Variants in SEPTIN10 observed in about 807,000 individuals in gnomAD.
SEPTIN10 encodes the protein septin 10.
A neutral mutation model predicts 54.8 loss-of-function variants in SEPTIN10; 66 were observed. That is an observed-to-expected ratio of 1.21 (90% confidence interval 0.99 to 1.48). The LOEUF is 1.48. SEPTIN10 is among the 40% of genes most tolerant of loss of function. The pLI is 0.00. For synonymous variants in SEPTIN10, 161 were observed against 181.0 expected (o/e 0.89, Z 0.89); for missense variants, 620 against 545.6 (o/e 1.14, Z -1.36).
chr2:109,575,398 C>CT (rs1689460889), intron 4 of SEPTIN10, among the ~76,000 whole-genome samples: 1 of 152,246 alleles, frequency 6.6e-6, no homozygotes, highest in Non-Finnish European at 1.5e-5. Context: ...ACATCAGTAT[C>CT]TAACTAGTAA....
intron 1 of SEPTIN10, among the ~76,000 whole-genome samples, chr2:109,599,661 A>C (rs1375968155): frequency 6.6e-6 from 1 of 152,108 alleles, no homozygotes; most frequent in Non-Finnish European, 1.5e-5. Context: ...CAAAAGTTAA[A>C]GGATAACTGC....
In SEPTIN10 at chr2:109,553,237, T is replaced by C; in HGVS notation, c.1029-18A>G. The C allele has an allele frequency of 1.2e-6, 2 of 1,612,490 alleles. No homozygotes were observed. The highest frequency in any genetic ancestry group is 2.2e-5 in the South Asian group (2 of 90,722). ...CTTGAACACTAAAAAGTTATTTGTG[T>C]TACTCTCCTGCTAAAAAGTGATATA... is the stretch of plus-strand genomic sequence containing the variant. On this transcript the variant is annotated intron_variant, in intron 8 of 10. Transcript: ENST00000397712.
At chr2:109,559,921 T>C (rs1685245299) in intron 8 of SEPTIN10, among the ~76,000 whole-genome samples, 1 of 149,588 alleles carries the variant, frequency 6.7e-6, no homozygotes, top group African/African-American at 2.5e-5. Context: ...CTTTTTTTTT[T>C]TTTTTTTTTT....
intron 9 of SEPTIN10, among the ~76,000 whole-genome samples, chr2:109,549,038 G>A (rs867017780): frequency 6.6e-6 from 1 of 152,170 alleles, no homozygotes; most frequent in African/African-American, 2.4e-5. Flanking sequence ...TTTCAGAGAA[G>A]CATCAGTTCC....
intron 1 of SEPTIN10, among the ~76,000 whole-genome samples, chr2:109,606,671 GCTTTTTT>G (rs1698058443): frequency 1.1e-5 from 1 of 95,228 alleles, no homozygotes; most frequent in Non-Finnish European, 2.0e-5. Flanking sequence ...AAAATTTTAA[GCTTTTTT>G]TTTTTTTTTT....
chr2:109,599,926 T>A (rs1026209904), intron 1 of SEPTIN10, among the ~76,000 whole-genome samples: 1 of 152,230 alleles, frequency 6.6e-6, no homozygotes, highest in Non-Finnish European at 1.5e-5. Flanking sequence ...TTACTAACAC[T>A]ACAACGAACT....
At chr2:109,585,677 G>A in intron 3 of SEPTIN10, 44 bp downstream of exon 3, 1 of 1,285,906 alleles carries the variant, frequency 7.8e-7, no homozygotes, top group Non-Finnish European at 1.1e-6. Flanking sequence ...GTGAGCACAA[G>A]GAATATGAAG....
chr2:109,553,590 C>A (rs763303278), intron 8 of SEPTIN10, among the ~76,000 whole-genome samples: 2 of 149,618 alleles, frequency 1.3e-5, no homozygotes, highest in Non-Finnish European at 3.0e-5. Context: ...TGGTGGCTCA[C>A]GCCTGTAATC....
intron 8 of SEPTIN10, 150 bp from the exon 9 acceptor site, chr2:109,553,369 A>G (rs749774768): frequency 3.0e-6 from 2 of 671,058 alleles, no homozygotes; most frequent in Non-Finnish European, 4.9e-6. Context: ...ACATAGTGAA[A>G]CCCTGTCTCT....
chr2:109,546,291 G>C, intron 9 of SEPTIN10, 54 bp from the exon 10 acceptor site: 1 of 1,217,692 alleles, frequency 8.2e-7, no homozygotes. Context: ...GCAGAGGCAC[G>C]CTCTCCAGCT....
At chr2:109,587,530 A>T (rs1692847761) in intron 2 of SEPTIN10, among the ~76,000 whole-genome samples, 1 of 152,190 alleles carries the variant, frequency 6.6e-6, no homozygotes, top group Non-Finnish European at 1.5e-5. Context: ...GAACTCAGAG[A>T]TACAAGAATT....
At chr2:109,545,149 G>A (rs1010597729) in intron 10 of SEPTIN10, 2 of 985,328 alleles carry the variant, frequency 2.0e-6, no homozygotes, top group East Asian at 1.1e-4. Flanking sequence ...GGGAACATGG[G>A]AGCATGCAAC....
chr2:109,592,054 G>C (rs1264886836), intron 2 of SEPTIN10, among the ~76,000 whole-genome samples: 3 of 152,124 alleles, frequency 2.0e-5, no homozygotes, highest in African/African-American at 7.2e-5. Context: ...CAGACCCTTA[G>C]AAGCATAAGG....
chr2:109,577,039 C>A (rs938459021), intron 4 of SEPTIN10, among the ~76,000 whole-genome samples: 1 of 151,528 alleles, frequency 6.6e-6, no homozygotes, highest in African/African-American at 2.4e-5. Flanking sequence ...TACAGCATAG[C>A]AAAACTGGAT....
chr2:109,574,553 G>C (rs4953730), intron 5 of SEPTIN10, 28 bp downstream of exon 5: 134,371 of 1,375,566 alleles, frequency 0.098, 7,459 homozygotes, highest in African/African-American at 0.24. Context: ...ATTAAAGTAT[G>C]GTAAGTTGAT....
chr2:109,585,728 G>T lies in SEPTIN10; in HGVS notation c.210C>A (p.Leu70=), dbSNP rs373704110. ...AGAGTAGGTGGCACGTACCCACACA[G>T]AGAATATTAAAGCAGAAACCTTGCT... ...SIQQGFCFNI[L]CVGETGIGKS... is the part of the protein sequence containing the mutation. The change falls in exon 3 of 11, where the codon CTC becomes CTA. Residue 70 remains leucine, a synonymous_variant. Coordinates refer to ENST00000397712, the MANE Select transcript of SEPTIN10 (RefSeq NM_144710.5). The T allele has an allele frequency of 1.0e-4, 167 of 1,610,486 alleles. No individual in the cohort carries two copies. The highest frequency in any genetic ancestry group is 9.9e-5 in the Non-Finnish European group (117 of 1,177,726).
At chr2:109,592,418 T>C (rs1041500136) in intron 2 of SEPTIN10, among the ~76,000 whole-genome samples, 4 of 150,954 alleles carry the variant, frequency 2.6e-5, no homozygotes, top group East Asian at 2.0e-4. Flanking sequence ...TAAGCTGAGA[T>C]TGCACCATCG....
At chr2:109,602,446 C>CGGGT (rs1294816025) in intron 1 of SEPTIN10, among the ~76,000 whole-genome samples, 1 of 152,034 alleles carries the variant, frequency 6.6e-6, no homozygotes, top group Admixed American at 6.6e-5. Context: ...GAGGCCAAGG[C>CGGGT]GGGTGGATCA....
chr2:109,555,438 T>C (rs1450864525), intron 8 of SEPTIN10, among the ~76,000 whole-genome samples: 3 of 152,142 alleles, frequency 2.0e-5, no homozygotes, highest in Non-Finnish European at 2.9e-5. Context: ...CAAATTCACA[T>C]GTAACTTCTT....
Sources: allele counts gnomAD v4.1 joint callset (sites outside exome capture counted in the v4.1 genomes callset), GRCh38; gene constraint gnomAD v4.1.1; transcripts MANE v1.5; gene names NCBI Gene and HGNC (gene_info 2026-07-23, HGNC 2026-07-21).